CFAP299: variants seen among roughly 807,000 people sequenced by gnomAD.
CFAP299 encodes cilia and flagella associated protein 299, also known as cilia- and flagella-associated protein 299.
In CFAP299, 21 loss-of-function variants were observed where a neutral mutation model predicts 27.0. The ratio of observed to expected loss-of-function variants is 0.78; its 90% CI spans 0.55 to 1.12. CFAP299 has a LOEUF of 1.12. CFAP299 is among the 50% of genes most tolerant of loss of function. CFAP299 has a pLI of 0.00. For synonymous variants in CFAP299, 104 were observed against 98.1 expected (o/e 1.06, Z -0.36); for missense variants, 310 against 276.6 (o/e 1.12, Z -0.86).
intron 2 of CFAP299, among the ~76,000 whole-genome samples, chr4:80,545,026 A>G (rs1189604905): frequency 6.6e-6 from 1 of 152,192 alleles, no homozygotes; most frequent in African/African-American, 2.4e-5. Flanking sequence ...TTAGACCACA[A>G]TGCAATAAAA....
intron 2 of CFAP299, among the ~76,000 whole-genome samples, chr4:80,401,477 G>T (rs1726152055): frequency 6.6e-6 from 1 of 152,226 alleles, no homozygotes; most frequent in Admixed American, 6.5e-5. Flanking sequence ...TGTGGCTTCA[G>T]AGGGGGGAAG....
intron 3 of CFAP299, among the ~76,000 whole-genome samples, chr4:80,690,914 C>A (rs1483013584): frequency 6.7e-6 from 1 of 148,838 alleles, no homozygotes; most frequent in Non-Finnish European, 1.5e-5. Context: ...ACTACAAACA[C>A]CTCTATGCAA....
chr4:80,914,932 G>A (rs940667594), intron 4 of CFAP299, among the ~76,000 whole-genome samples: 8 of 151,744 alleles, frequency 5.3e-5, no homozygotes, highest in Non-Finnish European at 8.8e-5. Context: ...TTTTGGTTTC[G>A]CAGATGTTCA....
At chr4:80,362,196 T>C (rs988313802) in intron 1 of CFAP299, among the ~76,000 whole-genome samples, 1 of 151,658 alleles carries the variant, frequency 6.6e-6, no homozygotes, top group Non-Finnish European at 1.5e-5. Flanking sequence ...ACCAACATTA[T>C]ATGGAAACAA....
chr4:80,376,024 T>A (rs1224065104), intron 2 of CFAP299, among the ~76,000 whole-genome samples: 1 of 152,222 alleles, frequency 6.6e-6, no homozygotes, highest in East Asian at 1.9e-4. Flanking sequence ...GTAGTGTCAG[T>A]CTCACCACAA....
At chr4:80,757,154 G>A (rs1280259677) in intron 3 of CFAP299, among the ~76,000 whole-genome samples, 1 of 151,936 alleles carries the variant, frequency 6.6e-6, no homozygotes, top group African/African-American at 2.4e-5. Flanking sequence ...ATCAAAGTTT[G>A]ATTTTTCTTT....
At chr4:80,674,372 A>C (rs1318782969) in intron 3 of CFAP299, among the ~76,000 whole-genome samples, 1 of 152,104 alleles carries the variant, frequency 6.6e-6, no homozygotes, top group Non-Finnish European at 1.5e-5. Flanking sequence ...TGGCTTATAG[A>C]GTTTCTCCCA....
chr4:80,741,829 C>T (rs1317231826), intron 3 of CFAP299, among the ~76,000 whole-genome samples: 1 of 152,172 alleles, frequency 6.6e-6, no homozygotes, highest in Non-Finnish European at 1.5e-5. Context: ...GCAATTCAGC[C>T]TGTGGCGGTG....
At chr4:80,941,351 T>A (rs1737186086) in intron 4 of CFAP299, among the ~76,000 whole-genome samples, 1 of 152,206 alleles carries the variant, frequency 6.6e-6, no homozygotes, top group Non-Finnish European at 1.5e-5. Flanking sequence ...GCCATGGATC[T>A]CAGTTTAAGA....
At chr4:80,466,240 G>A (rs925458701) in intron 2 of CFAP299, among the ~76,000 whole-genome samples, 2 of 152,130 alleles carry the variant, frequency 1.3e-5, no homozygotes, top group African/African-American at 4.8e-5. Flanking sequence ...ATGGCATAAA[G>A]TACAAGTTAA....
At chr4:80,426,056 A>T (rs1243128253) in intron 2 of CFAP299, among the ~76,000 whole-genome samples, 1 of 152,130 alleles carries the variant, frequency 6.6e-6, no homozygotes, top group African/African-American at 2.4e-5. Context: ...AATTTTGAGC[A>T]CATCAGTATG....
chr4:80,408,860 C>T lies in CFAP299; in HGVS notation c.242+45976C>T, dbSNP rs193241726. On this transcript the variant is annotated intron_variant, in intron 2 of 5. Transcript: ENST00000358105. The stretch of plus-strand genomic sequence containing the variant: ...GGTTTTTTTTCCCAAATCATTGTAA[C>T]GTTTTTATTTTTATATCTTTGAGTT... 6.2e-3 allele frequency among the ~76,000 whole-genome samples: 939 copies of T among 150,890 alleles called. 2 individuals are homozygous for T. Among genetic ancestry groups the T allele is most frequent in the Middle Eastern group, 0.024 (7 of 292 alleles).
At chr4:80,959,407 G>A (rs1578269178) in intron 5 of CFAP299, among the ~76,000 whole-genome samples, 4 of 151,970 alleles carry the variant, frequency 2.6e-5, no homozygotes, top group Admixed American at 1.3e-4. Flanking sequence ...GCAAAACACT[G>A]CTACAACTCT....
intron 2 of CFAP299, among the ~76,000 whole-genome samples, chr4:80,472,847 A>C (rs140963696): frequency 1.3e-5 from 2 of 152,284 alleles, no homozygotes; most frequent in East Asian, 3.9e-4. Flanking sequence ...ATAATAATGA[A>C]TCTCCAGGTT....
chr4:80,691,887 T>C (rs1415525484), intron 3 of CFAP299, among the ~76,000 whole-genome samples: 1 of 152,158 alleles, frequency 6.6e-6, no homozygotes, highest in Non-Finnish European at 1.5e-5. Flanking sequence ...ACAATCATTC[T>C]TATACACCAA....
chr4:80,486,135 C>CT (rs1266322082), intron 2 of CFAP299, among the ~76,000 whole-genome samples: 1 of 151,972 alleles, frequency 6.6e-6, no homozygotes, highest in Non-Finnish European at 1.5e-5. Context: ...TTAAGTTCTG[C>CT]TTGCTTGGTC....
intron 2 of CFAP299, among the ~76,000 whole-genome samples, chr4:80,473,921 C>T (rs1276773592): frequency 3.9e-5 from 6 of 152,034 alleles, no homozygotes; most frequent in Non-Finnish European, 8.8e-5. Flanking sequence ...CTTTGGCTAC[C>T]TAAAAAATTG....
chr4:80,416,562 A>C (rs1458389144), intron 2 of CFAP299, among the ~76,000 whole-genome samples: 3 of 152,206 alleles, frequency 2.0e-5, no homozygotes. Context: ...AAGTTTCTCT[A>C]TGACATTTCA....
At chr4:80,513,767 T>G (rs142384761) in intron 2 of CFAP299, among the ~76,000 whole-genome samples, 2 of 152,234 alleles carry the variant, frequency 1.3e-5, no homozygotes, top group East Asian at 3.9e-4. Flanking sequence ...TTTTTTCCAA[T>G]CATCCCAACT....
Sources: gnomAD v4.1 joint callset for allele counts (sites outside exome capture counted in the v4.1 genomes callset) on GRCh38, gnomAD v4.1.1 for gene constraint, MANE v1.5 for transcripts, NCBI Gene and HGNC (gene_info 2026-07-23, HGNC 2026-07-21) for gene names.